The following LOXL2 variants were observed in gnomAD, a reference collection of about 807,000 sequenced individuals.
The protein encoded by LOXL2 is lysyl oxidase homolog 2.
LOXL2 carries 70 observed loss-of-function variants against 93.0 expected under a neutral mutation model. That is an observed-to-expected ratio of 0.75 (90% CI 0.62 to 0.92). LOXL2 has a LOEUF of 0.92. Among genes scored for constraint, LOXL2 ranks in the 40% least tolerant of loss-of-function variants. The pLI is 0.00. For missense variants in LOXL2, 973 were observed against 1,054.9 expected (o/e 0.92, Z 1.08); for synonymous variants, 438 against 413.2 (o/e 1.06, Z -0.73).
Position 23,298,019 on chromosome 8 carries a change from CAGG to C in LOXL2, c.*21_*23del, listed in dbSNP as rs1803065897. 1 of 1,601,996 alleles carries C rather than the reference CAGG, an allele frequency of 6.2e-7. No homozygotes were observed. The highest frequency in any genetic ancestry group is 8.5e-7 in the Non-Finnish European group (1 of 1,170,284). On this transcript the variant is annotated 3_prime_UTR_variant, in exon 14 of 14. Transcript: ENST00000389131. ...TGGAAGATGTGGTGTGGCCTGAAGA[CAGG>C]AGTTGACCACGCAGGCTTCTTTACT...
intron 9 of LOXL2, among the ~76,000 whole-genome samples, chr8:23,310,658 AGT>A (rs1219435249): frequency 1.3e-5 from 2 of 152,242 alleles, no homozygotes; most frequent in Middle Eastern, 3.2e-3. Flanking sequence ...TGTAAGTGAA[AGT>A]GCTAGGAGAA....
Position 23,328,419 on chromosome 8 carries a change from A to C in LOXL2, c.1113T>G (p.Ser371Arg). The change falls in exon 6 of 14, where the codon AGT (serine) becomes AGG (arginine). Residue 371 changes from serine to arginine, a missense_variant. Coordinates refer to ENST00000389131, the MANE Select transcript of LOXL2 (RefSeq NM_002318.3). ...SVVCRELGFG[S>R]AKEAVTGSRL... ...GGGAGCCAGTGACTGCCTCTTTGGC[A>C]CTCCCAAAGCCCAGCTCTCTGCAGA... 1 of 1,613,502 alleles carries C rather than the reference A, an allele frequency of 6.2e-7. No individual in the cohort carries two copies. Among genetic ancestry groups the C allele is most frequent in the Non-Finnish European group, 8.5e-7 (1 of 1,179,880 alleles).
chr8:23,386,039 T>C, intron 1 of LOXL2: 1 of 765,226 alleles, frequency 1.3e-6, no homozygotes, highest in South Asian at 1.3e-5. Context: ...TCAGCATCCC[T>C]ATTTTCCTAA....
intron 11 of LOXL2, 47 bp from the exon 12 acceptor site, chr8:23,302,210 C>CA: frequency 6.2e-7 from 1 of 1,606,808 alleles, no homozygotes; most frequent in Middle Eastern, 1.7e-4. Context: ...ACCATGGCCC[C>CA]ACTGCCGCAC....
intron 3 of LOXL2, among the ~76,000 whole-genome samples, chr8:23,343,568 GC>G (rs1235036737): frequency 6.6e-6 from 1 of 152,230 alleles, no homozygotes; most frequent in Non-Finnish European, 1.5e-5. Context: ...TTCTTTGGGT[GC>G]CCAGGGATTC....
At chr8:23,360,045 G>C in intron 3 of LOXL2, 45 bp downstream of exon 3, 1 of 1,559,640 alleles carries the variant, frequency 6.4e-7, no homozygotes, top group South Asian at 1.1e-5. Context: ...GCATGGAAGA[G>C]GAAAAATGTT....
chr8:23,327,047 C>T (rs1459786566), intron 6 of LOXL2, among the ~76,000 whole-genome samples: 1 of 152,194 alleles, frequency 6.6e-6, no homozygotes, highest in Non-Finnish European at 1.5e-5. Flanking sequence ...ACTTGTTCTC[C>T]TCAACTCTTG....
chr8:23,376,824 C>G (rs1261526969), intron 1 of LOXL2, among the ~76,000 whole-genome samples: 1 of 152,098 alleles, frequency 6.6e-6, no homozygotes, highest in Non-Finnish European at 1.5e-5. Context: ...TTTGATTCTT[C>G]TCTCTTTTCT....
chr8:23,340,914 C>A, intron 4 of LOXL2, 78 bp downstream of exon 4: 1 of 1,341,766 alleles, frequency 7.5e-7, no homozygotes. Flanking sequence ...GGAAAGGCCA[C>A]CACCAGGGCG....
chr8:23,320,961 G>A (rs532015176), intron 7 of LOXL2, among the ~76,000 whole-genome samples: 107 of 152,322 alleles, frequency 7.0e-4, no homozygotes, highest in African/African-American at 2.5e-3. Flanking sequence ...ACATATCATA[G>A]TTTCTTGGCT....
At chr8:23,361,972 C>T (rs1007980906) in intron 2 of LOXL2, among the ~76,000 whole-genome samples, 4 of 152,188 alleles carry the variant, frequency 2.6e-5, no homozygotes, top group South Asian at 2.1e-4. Flanking sequence ...GAAAACAGTA[C>T]GGTGTTTCCT....
intron 12 of LOXL2, 24 bp from the exon 13 acceptor site, chr8:23,298,971 G>C (rs759376556): frequency 1.1e-5 from 16 of 1,415,224 alleles, no homozygotes; most frequent in African/African-American, 7.0e-5. Flanking sequence ...GGGCAGAGGA[G>C]GCTGCTTGTT....
intron 1 of LOXL2, among the ~76,000 whole-genome samples, chr8:23,387,127 G>A (rs1804777104): frequency 6.6e-6 from 1 of 152,208 alleles, no homozygotes; most frequent in Non-Finnish European, 1.5e-5. Context: ...AGACTGCCAG[G>A]AAAAGTTGGT....
At chr8:23,338,651 G>C (rs1803834843) in intron 4 of LOXL2, among the ~76,000 whole-genome samples, 1 of 152,222 alleles carries the variant, frequency 6.6e-6, no homozygotes, top group African/African-American at 2.4e-5. Flanking sequence ...ACAGGCTGTA[G>C]GAAGAGGGAA....
chr8:23,353,505 T>G (rs895857569), intron 3 of LOXL2, among the ~76,000 whole-genome samples: 1 of 152,172 alleles, frequency 6.6e-6, no homozygotes, highest in Non-Finnish European at 1.5e-5. Context: ...AGCTGTGAGC[T>G]CCAGTCTCCA....
chr8:23,327,353 G>C (rs1803595787), intron 6 of LOXL2, among the ~76,000 whole-genome samples: 1 of 152,238 alleles, frequency 6.6e-6, no homozygotes, highest in Non-Finnish European at 1.5e-5. Context: ...CCCTGGGCTA[G>C]TGAGGGCTAT....
intron 10 of LOXL2, among the ~76,000 whole-genome samples, chr8:23,305,384 C>T (rs1803213845): frequency 6.6e-6 from 1 of 152,174 alleles, no homozygotes; most frequent in African/African-American, 2.4e-5. Flanking sequence ...GGTTTCATGG[C>T]CTCCCAGTTT....
chr8:23,314,061 A>G (rs955765594), intron 9 of LOXL2, among the ~76,000 whole-genome samples: 2 of 150,970 alleles, frequency 1.3e-5, no homozygotes, highest in Admixed American at 6.6e-5. Flanking sequence ...ATCACTGGCC[A>G]TCAGAGAAAT....
At chr8:23,403,290 T>C (rs1278907770) in intron 1 of LOXL2, among the ~76,000 whole-genome samples, 1 of 152,194 alleles carries the variant, frequency 6.6e-6, no homozygotes, top group Non-Finnish European at 1.5e-5. Context: ...AGAGGGTCCC[T>C]GGTCCCCGGA....
Sources: allele counts gnomAD v4.1 joint callset (sites outside exome capture counted in the v4.1 genomes callset), GRCh38; gene constraint gnomAD v4.1.1; transcripts MANE v1.5; gene names NCBI Gene and HGNC (gene_info 2026-07-23, HGNC 2026-07-21).